Variants in TM9SF2 observed in about 807,000 individuals in gnomAD.
TM9SF2 encodes transmembrane 9 superfamily member 2, also known as 76 kDa membrane protein.
A neutral mutation model predicts 84.9 loss-of-function variants in TM9SF2; 13 were observed. The observed-to-expected ratio is 0.15, with a 90% CI of 0.10 to 0.24. TM9SF2 has a LOEUF of 0.24. Ranked by LOEUF, TM9SF2 falls within the 10% of genes least tolerant of loss-of-function variation. TM9SF2 has a pLI of 1.00. For synonymous variants in TM9SF2, 273 were observed against 285.8 expected (o/e 0.96, Z 0.45); for missense variants, 562 against 818.5 (o/e 0.69, Z 3.82).
chr13:99,543,458 A>C (rs1027663461), intron 9 of TM9SF2, among the ~76,000 whole-genome samples: 2 of 152,230 alleles, frequency 1.3e-5, no homozygotes, highest in East Asian at 3.8e-4. Context: ...GTATTAGCAA[A>C]GTAGCTAGAA....
intron 13 of TM9SF2, among the ~76,000 whole-genome samples, chr13:99,553,301 C>T (rs887448769): frequency 6.6e-6 from 1 of 152,220 alleles, no homozygotes; most frequent in Non-Finnish European, 1.5e-5. Flanking sequence ...CACTGTTCCA[C>T]AGCCTCCACT....
intron 14 of TM9SF2, 133 bp downstream of exon 14, chr13:99,554,588 C>T: frequency 3.1e-6 from 3 of 953,286 alleles, no homozygotes; most frequent in Non-Finnish European, 4.5e-6. Flanking sequence ...TCTTAAAAGC[C>T]AAAAGCTTAT....
At position 99,529,250 on chromosome 13, in the gene TM9SF2, G is replaced by A. The variant is rs180827222; in HGVS notation, c.334-217G>A. Among the ~76,000 whole-genome samples, 399 of 152,064 alleles carry A rather than the reference G, an allele frequency of 2.6e-3. 1 individual carries two copies. The highest frequency in any genetic ancestry group is 9.0e-3 in the African/African-American group (372 of 41,468). On this transcript the variant is annotated intron_variant, in intron 3 of 16. Coordinates refer to ENST00000376387, the MANE Select transcript of TM9SF2 (RefSeq NM_004800.3). ...GTCGATTGAAATTACCAAAAAGAAC[G>A]TATCAAAGGAAAACTTGATGACGAG...
At chr13:99,540,907 T>C in intron 8 of TM9SF2, 114 bp downstream of exon 8, 1 of 938,018 alleles carries the variant, frequency 1.1e-6, no homozygotes, top group Non-Finnish European at 1.6e-6. Context: ...TGGCCTTGGG[T>C]TCAAATCCTG....
rs1471778830 is a variant in TM9SF2, at chr13:99,517,673, A to T, written c.231A>T (p.Glu77Asp). ...LDSVESVLPY[E>D]YTAFDFCQAS... ...CAGTGGAATCAGTTCTTCCTTATGA[A>T]TACACAGCGTAAGTTTTTCAGCTTG... The change falls in exon 2 of 17, where the codon GAA (glutamate) becomes GAT (aspartate). Residue 77 changes from glutamate (E) to aspartate (D), a missense_variant. Around this residue, in one of 4 missense-constraint regions of TM9SF2, gnomAD observed 267 missense variants for 316.7 expected, o/e 0.84. Transcript: ENST00000376387. 6.3e-7 allele frequency: 1 copy of T among 1,586,920 alleles called. No homozygotes were observed. The highest frequency in any genetic ancestry group is 8.6e-7 in the Non-Finnish European group (1 of 1,169,110).
At chr13:99,535,379 C>T (rs1419559652) in intron 4 of TM9SF2, among the ~76,000 whole-genome samples, 1 of 152,112 alleles carries the variant, frequency 6.6e-6, no homozygotes, top group Admixed American at 6.6e-5. Context: ...CATGAAGATA[C>T]TATATATTGC....
chr13:99,560,153 G>T (rs2046338292), intron 16 of TM9SF2, among the ~76,000 whole-genome samples: 1 of 152,160 alleles, frequency 6.6e-6, no homozygotes, highest in Non-Finnish European at 1.5e-5. Flanking sequence ...CTGAACTTAG[G>T]AATTATAGCA....
At chr13:99,506,334 T>G (rs1197893150) in intron 1 of TM9SF2, among the ~76,000 whole-genome samples, 1 of 152,248 alleles carries the variant, frequency 6.6e-6, no homozygotes, top group Admixed American at 6.5e-5. Flanking sequence ...TAAATATTTA[T>G]CGATATGTAG....
At chr13:99,525,140 G>A (rs1349761398) in intron 3 of TM9SF2, among the ~76,000 whole-genome samples, 3 of 152,170 alleles carry the variant, frequency 2.0e-5, no homozygotes, top group Admixed American at 2.0e-4. Flanking sequence ...AAGAGCATTT[G>A]CAGGTGGACA....
At chr13:99,522,550 T>G (rs993122483) in intron 3 of TM9SF2, among the ~76,000 whole-genome samples, 1 of 152,268 alleles carries the variant, frequency 6.6e-6, no homozygotes, top group African/African-American at 2.4e-5. Flanking sequence ...TGCATTCTTC[T>G]TATAGCAGAT....
intron 6 of TM9SF2, 38 bp from the exon 7 acceptor site, chr13:99,539,408 A>T (rs759046791): frequency 1.6e-6 from 2 of 1,285,234 alleles, no homozygotes; most frequent in East Asian, 2.3e-5. Flanking sequence ...AAAAAGTTGT[A>T]CTTTATCAGC....
intron 1 of TM9SF2, among the ~76,000 whole-genome samples, chr13:99,506,275 G>A (rs917831159): frequency 1.3e-5 from 2 of 152,042 alleles, no homozygotes; most frequent in African/African-American, 4.8e-5. Flanking sequence ...TGAAGATTTT[G>A]AAATACTTAA....
At chr13:99,559,602 G>T (rs901308473) in intron 16 of TM9SF2, 68 bp downstream of exon 16, 75 of 1,415,312 alleles carry the variant, frequency 5.3e-5, no homozygotes, top group Non-Finnish European at 6.9e-5. Flanking sequence ...ATAAATGTTT[G>T]TCTTTTTTAA....
At chr13:99,518,560 C>T (rs1299926648) in intron 2 of TM9SF2, among the ~76,000 whole-genome samples, 1 of 152,098 alleles carries the variant, frequency 6.6e-6, no homozygotes, top group African/African-American at 2.4e-5. Context: ...CACTTACTTT[C>T]ACTAGTTTCC....
chr13:99,549,756 A>G (rs9582321), intron 12 of TM9SF2, among the ~76,000 whole-genome samples: 3,771 of 152,252 alleles, frequency 0.025, 162 homozygotes, highest in African/African-American at 0.086. Flanking sequence ...CCTAGAAGCA[A>G]AACCCACTTC....
intron 1 of TM9SF2, among the ~76,000 whole-genome samples, chr13:99,510,812 G>C (rs984374936): frequency 6.6e-6 from 1 of 152,132 alleles, no homozygotes; most frequent in East Asian, 1.9e-4. Context: ...TTTCCATCTG[G>C]ATTATAAATT....
intron 12 of TM9SF2, among the ~76,000 whole-genome samples, chr13:99,551,709 TG>T (rs1464823738): frequency 6.6e-6 from 1 of 152,194 alleles, no homozygotes; most frequent in Non-Finnish European, 1.5e-5. Flanking sequence ...CCACAGACTG[TG>T]ACAAGATATT....
Position 99,536,700 on chromosome 13 carries a change from C to G in TM9SF2, c.554C>G (p.Thr185Arg). The change falls in exon 5 of 17, where the codon ACA becomes AGA. Residue 185 changes from threonine to arginine, a missense_variant. By Grantham distance (71) the Thr-to-Arg change is moderately conservative. Transcript: ENST00000376387. Reference sequence around the variant, plus strand: ...GGATTTCCTATTGGCTGTTACATTACAGATAAAGGCCATGCAAAAGATGCC... The same window carrying G: ...GGATTTCCTATTGGCTGTTACATTAGAGATAAAGGCCATGCAAAAGATGCC... ...NPGFPIGCYITDKGHAKDACV... is the reference protein window; with the variant it reads ...NPGFPIGCYIRDKGHAKDACV... The G allele has an allele frequency of 6.2e-7, 1 of 1,613,714 alleles. No homozygotes were observed. Among genetic ancestry groups the G allele is most frequent in the Non-Finnish European group, 8.5e-7 (1 of 1,179,754 alleles).
chr13:99,503,720 A>G (rs2046076780), intron 1 of TM9SF2, among the ~76,000 whole-genome samples: 1 of 150,936 alleles, frequency 6.6e-6, no homozygotes, highest in African/African-American at 2.4e-5. Flanking sequence ...AAAAAAAAAA[A>G]AAAAAAAAAA....
Sources: allele counts gnomAD v4.1 joint callset (sites outside exome capture counted in the v4.1 genomes callset), GRCh38; gene constraint gnomAD v4.1.1; regional missense constraint gnomAD v4.1.1; transcripts MANE v1.5; gene names NCBI Gene and HGNC (gene_info 2026-07-23, HGNC 2026-07-21).